Variants in CSMD1 observed in about 807,000 individuals in gnomAD.
The protein encoded by CSMD1 is CUB and Sushi multiple domains 1, also known as CUB and sushi domain-containing protein 1.
CSMD1 carries 213 observed loss-of-function variants against 417.5 expected under a neutral mutation model. That is an observed-to-expected ratio of 0.51 (90% confidence interval 0.46 to 0.57). CSMD1 has a LOEUF of 0.57. Among genes scored for constraint, CSMD1 ranks in the 20% least tolerant of loss-of-function variants. The probability of loss-of-function intolerance (pLI) is 0.00; values close to 1 mark genes in which losing one functional copy is unlikely to be tolerated. For missense variants in CSMD1, 6,923 were observed against 4,529.7 expected, an observed-to-expected ratio of 1.53 and a Z score of -15.17; for synonymous variants, 2,862 against 1,736.8, an observed-to-expected ratio of 1.65 and a Z score of -16.11.
At chr8:4,709,799 A>C (rs1298756675) in intron 1 of CSMD1, among the ~76,000 whole-genome samples, 1 of 152,202 alleles carries the variant, frequency 6.6e-6, no homozygotes, top group Non-Finnish European at 1.5e-5. Flanking sequence ...GGAAAGAGGC[A>C]GGAGAGGAAA....
At chr8:3,417,385 C>T (rs574802214) in intron 12 of CSMD1, among the ~76,000 whole-genome samples, 11 of 152,284 alleles carry the variant, frequency 7.2e-5, no homozygotes, top group African/African-American at 2.6e-4. Context: ...AAATAGCAGA[C>T]CAAAACTCTT....
intron 4 of CSMD1, among the ~76,000 whole-genome samples, chr8:4,006,978 C>G (rs1022036938): frequency 2.0e-5 from 3 of 151,884 alleles, no homozygotes; most frequent in Admixed American, 6.6e-5. Flanking sequence ...CAGGCACACA[C>G]CACCACACCC....
chr8:4,821,191 A>C (rs577749662), intron 1 of CSMD1, among the ~76,000 whole-genome samples: 3 of 152,204 alleles, frequency 2.0e-5, no homozygotes, highest in African/African-American at 7.2e-5. Context: ...TCACTGTGAC[A>C]TTCAGGTCAC....
chr8:4,408,645 A>G (rs1796472624), intron 3 of CSMD1, among the ~76,000 whole-genome samples: 1 of 152,206 alleles, frequency 6.6e-6, no homozygotes, highest in African/African-American at 2.4e-5. Flanking sequence ...ACACCATTTC[A>G]AGTTGATCAA....
At chr8:4,839,971 G>C (rs1357090156) in intron 1 of CSMD1, among the ~76,000 whole-genome samples, 1 of 152,192 alleles carries the variant, frequency 6.6e-6, no homozygotes, top group African/African-American at 2.4e-5. Flanking sequence ...GTGTTTGCAA[G>C]TGTAAAATAG....
At chr8:4,628,888 G>A (rs995322146) in intron 2 of CSMD1, among the ~76,000 whole-genome samples, 2 of 152,112 alleles carry the variant, frequency 1.3e-5, no homozygotes, top group East Asian at 3.9e-4. Context: ...GTTTTTACAC[G>A]CCTTTTATTA....
intron 3 of CSMD1, among the ~76,000 whole-genome samples, chr8:4,371,170 T>G (rs1802373086): frequency 6.6e-6 from 1 of 152,160 alleles, no homozygotes; most frequent in African/African-American, 2.4e-5. Flanking sequence ...TGACTTTATT[T>G]CTGGATACTT....
chr8:4,403,459 G>T (rs79035519), intron 3 of CSMD1, among the ~76,000 whole-genome samples: 2 of 151,926 alleles, frequency 1.3e-5, no homozygotes, highest in Non-Finnish European at 2.9e-5. Context: ...TCCTTATCAG[G>T]GTCACCAATG....
chr8:4,937,684 G>A (rs1026659662), intron 1 of CSMD1, among the ~76,000 whole-genome samples: 14 of 152,062 alleles, frequency 9.2e-5, no homozygotes, highest in African/African-American at 3.4e-4. Flanking sequence ...ATAGAGCAGT[G>A]GTTTCTTTAG....
intron 3 of CSMD1, among the ~76,000 whole-genome samples, chr8:4,100,333 C>T (rs1456194715): frequency 1.3e-5 from 2 of 152,106 alleles, no homozygotes; most frequent in South Asian, 2.1e-4. Context: ...AAATGAATGC[C>T]TCGTGACTTC....
At chr8:3,499,817 C>T (rs1020385237) in intron 10 of CSMD1, among the ~76,000 whole-genome samples, 1 of 152,062 alleles carries the variant, frequency 6.6e-6, no homozygotes, top group African/African-American at 2.4e-5. Flanking sequence ...TGTGGAGATG[C>T]TACTGGCCCT....
intron 5 of CSMD1, among the ~76,000 whole-genome samples, chr8:3,967,361 C>T (rs751724419): frequency 3.3e-5 from 5 of 151,812 alleles, no homozygotes; most frequent in Admixed American, 6.6e-5. Flanking sequence ...AACTTGTAAA[C>T]ATGGAACTGC....
At chr8:4,609,293 C>T (rs1273069257) in intron 2 of CSMD1, among the ~76,000 whole-genome samples, 2 of 152,026 alleles carry the variant, frequency 1.3e-5, no homozygotes, top group South Asian at 2.1e-4. Flanking sequence ...CCCAGCTACT[C>T]AGGAGGCTGA....
At chr8:4,303,353 T>A (rs750588073) in intron 3 of CSMD1, among the ~76,000 whole-genome samples, 12 of 151,142 alleles carry the variant, frequency 7.9e-5, no homozygotes, top group Non-Finnish European at 1.2e-4. Flanking sequence ...GCATCTTCCA[T>A]CACCAAAATC....
chr8:3,457,595 G>C (rs1360660793), intron 12 of CSMD1, among the ~76,000 whole-genome samples: 1 of 152,148 alleles, frequency 6.6e-6, no homozygotes, highest in East Asian at 1.9e-4. Flanking sequence ...TGAATTTCAA[G>C]AATAGAATAG....
intron 26 of CSMD1, among the ~76,000 whole-genome samples, chr8:3,240,827 A>G (rs943288569): frequency 9.9e-5 from 15 of 152,160 alleles, no homozygotes; most frequent in African/African-American, 3.6e-4. Flanking sequence ...ACTAACCTGT[A>G]AGGCTTGTCT....
intron 3 of CSMD1, among the ~76,000 whole-genome samples, chr8:4,120,311 T>C (rs1802410558): frequency 6.6e-6 from 1 of 152,242 alleles, no homozygotes; most frequent in Admixed American, 6.5e-5. Context: ...CAGTGTTATT[T>C]CAATTTTATT....
intron 2 of CSMD1, among the ~76,000 whole-genome samples, chr8:4,520,828 G>A (rs10102969): frequency 0.2 from 30,556 of 151,996 alleles, 3,198 homozygotes; most frequent in African/African-American, 0.26. Context: ...TAAGTATAAC[G>A]TATATACCAG....
intron 25 of CSMD1, among the ~76,000 whole-genome samples, chr8:3,290,987 G>A (rs933077730): frequency 2.6e-5 from 4 of 152,104 alleles, no homozygotes; most frequent in African/African-American, 7.2e-5. Flanking sequence ...TTATTATTTT[G>A]AGATACGTCC....
Sources: gnomAD v4.1 joint callset for allele counts (sites outside exome capture counted in the v4.1 genomes callset) on GRCh38, gnomAD v4.1.1 for gene constraint, MANE v1.5 for transcripts, NCBI Gene and HGNC (gene_info 2026-07-23, HGNC 2026-07-21) for gene names.